The following PDE4D variants were observed in gnomAD, a reference collection of about 807,000 sequenced individuals.
PDE4D encodes the protein phosphodiesterase 4D, also known as 3',5'-cyclic-AMP phosphodiesterase 4D.
In PDE4D, 24 loss-of-function variants were observed where a neutral mutation model predicts 87.4. That is an observed-to-expected ratio of 0.27 (90% CI 0.20 to 0.39). PDE4D has a LOEUF of 0.39. Ranked by LOEUF, PDE4D falls within the 10% of genes least tolerant of loss-of-function variation. The pLI is 1.00. For missense variants in PDE4D, 714 were observed against 1,041.0 expected, an observed-to-expected ratio of 0.69 and a Z score of 4.32; for synonymous variants, 384 against 383.2, an observed-to-expected ratio of 1.00 and a Z score of -0.02.
chr5:59,412,250 T>A (rs1348407731), intron 1 of PDE4D, among the ~76,000 whole-genome samples: 1 of 152,234 alleles, frequency 6.6e-6, no homozygotes, highest in Non-Finnish European at 1.5e-5. Context: ...TTATTTTTTT[T>A]AAGTCACTTC....
intron 2 of PDE4D, among the ~76,000 whole-genome samples, chr5:60,084,118 G>T (rs1458037390): frequency 6.6e-6 from 1 of 152,146 alleles, no homozygotes; most frequent in African/African-American, 2.4e-5. Context: ...GAGTTCATAT[G>T]AACCAGATTT....
chr5:58,988,879 T>C (rs551915499), intron 10 of PDE4D, among the ~76,000 whole-genome samples: 1 of 149,842 alleles, frequency 6.7e-6, no homozygotes, highest in South Asian at 2.2e-4. Flanking sequence ...AAGAAAATAA[T>C]AGTTTATTTT....
chr5:59,530,478 T>C (rs1814005960), intron 1 of PDE4D, among the ~76,000 whole-genome samples: 2 of 152,166 alleles, frequency 1.3e-5, no homozygotes, highest in South Asian at 2.1e-4. Context: ...CACATCAATA[T>C]ACTTTAAAGC....
rs535081812 is a variant in PDE4D at position 59,024,493 on chromosome 5, G to A, written c.921+14366C>T. The stretch of plus-strand genomic sequence containing the variant: ...ATTACAGGCTTGAGGCACCACGCCC[G>A]GCTGCTGAAATTCTACTTTTGAAAG... On this transcript the variant is annotated intron_variant, in intron 6 of 14. Transcript: ENST00000340635. Among the ~76,000 whole-genome samples, 13 of 152,178 alleles carry A rather than the reference G, an allele frequency of 8.5e-5. 1 individual carries two copies. Among genetic ancestry groups the A allele is most frequent in the African/African-American group, 2.4e-4 (10 of 41,512 alleles).
intron 1 of PDE4D, among the ~76,000 whole-genome samples, chr5:60,374,694 A>G (rs1316662389): frequency 6.6e-6 from 1 of 152,174 alleles, no homozygotes; most frequent in Non-Finnish European, 1.5e-5. Context: ...TCTCTTCTCC[A>G]AATAGATCAT....
intron 5 of PDE4D, among the ~76,000 whole-genome samples, chr5:59,168,341 C>A (rs919832165): frequency 6.6e-6 from 1 of 152,182 alleles, no homozygotes; most frequent in Non-Finnish European, 1.5e-5. Context: ...AACGCTGAAG[C>A]ACTGCGTTAC....
chr5:60,187,412 T>C (rs1784869591), intron 1 of PDE4D, among the ~76,000 whole-genome samples: 2 of 152,176 alleles, frequency 1.3e-5, no homozygotes, highest in East Asian at 1.9e-4. Flanking sequence ...GAAAAAACTT[T>C]AGATAACAGC....
intron 11 of PDE4D, among the ~76,000 whole-genome samples, chr5:58,980,306 AG>A (rs1744804790): frequency 6.6e-6 from 1 of 152,174 alleles, no homozygotes; most frequent in South Asian, 2.1e-4. Context: ...AACATCACCT[AG>A]CCAGTAAGTG....
At chr5:60,236,269 GT>G (rs1438809476) in intron 1 of PDE4D, among the ~76,000 whole-genome samples, 2 of 151,792 alleles carry the variant, frequency 1.3e-5, no homozygotes, top group Admixed American at 6.6e-5. Context: ...AAAAACTTTT[GT>G]TTTGTGAATG....
At chr5:59,868,528 CA>C (rs539838457) in intron 1 of PDE4D, among the ~76,000 whole-genome samples, 31 of 152,186 alleles carry the variant, frequency 2.0e-4, no homozygotes, top group African/African-American at 6.7e-4. Flanking sequence ...TCCTGGGGAC[CA>C]CCCTCTATGA....
intron 1 of PDE4D, among the ~76,000 whole-genome samples, chr5:59,236,965 G>C (rs567600417): frequency 6.6e-6 from 1 of 152,076 alleles, no homozygotes; most frequent in African/African-American, 2.4e-5. Flanking sequence ...ACGGCACTTA[G>C]GTTACTTTAA....
chr5:60,229,742 T>G (rs977560020), intron 1 of PDE4D, among the ~76,000 whole-genome samples: 1 of 152,124 alleles, frequency 6.6e-6, no homozygotes, highest in African/African-American at 2.4e-5. Flanking sequence ...AATCAGTTTC[T>G]TTGAACAATC....
At chr5:59,046,539 A>ATG (rs35264771) in intron 5 of PDE4D, among the ~76,000 whole-genome samples, 10,539 of 143,684 alleles carry the variant, frequency 0.073, 463 homozygotes, top group Non-Finnish European at 0.11. Flanking sequence ...GTTATTGAAG[A>ATG]TGTGTGTGTG....
intron 1 of PDE4D, among the ~76,000 whole-genome samples, chr5:59,707,842 C>T (rs566176126): frequency 5.3e-5 from 8 of 152,294 alleles, no homozygotes; most frequent in African/African-American, 1.9e-4. Context: ...ACCACATTTT[C>T]TTCAACCAGT....
intron 1 of PDE4D, among the ~76,000 whole-genome samples, chr5:59,630,462 A>G (rs1227541743): frequency 1.3e-5 from 2 of 152,238 alleles, no homozygotes; most frequent in Non-Finnish European, 2.9e-5. Flanking sequence ...TGTTCTCTTA[A>G]GAGTGTATGA....
chr5:60,069,736 G>A (rs1772507710), intron 2 of PDE4D, among the ~76,000 whole-genome samples: 1 of 151,948 alleles, frequency 6.6e-6, no homozygotes, highest in Non-Finnish European at 1.5e-5. Context: ...TTGAGATTTG[G>A]ATAGGGATTG....
intron 1 of PDE4D, among the ~76,000 whole-genome samples, chr5:59,322,208 C>A (rs1449296849): frequency 1.3e-5 from 2 of 152,080 alleles, no homozygotes; most frequent in African/African-American, 4.8e-5. Context: ...TGGAAGAAGT[C>A]CAATAACTAC....
At chr5:59,329,135 A>G (rs1376525674) in intron 1 of PDE4D, among the ~76,000 whole-genome samples, 1 of 152,206 alleles carries the variant, frequency 6.6e-6, no homozygotes, top group Non-Finnish European at 1.5e-5. Context: ...GACTTCCTCC[A>G]GGATTTTCCC....
At chr5:60,049,664 C>A (rs1562025523) in intron 2 of PDE4D, among the ~76,000 whole-genome samples, 1 of 152,226 alleles carries the variant, frequency 6.6e-6, no homozygotes, top group Non-Finnish European at 1.5e-5. Context: ...AGGTGCCTCC[C>A]AGTTAGGCTG....
Sources: allele counts gnomAD v4.1 joint callset (sites outside exome capture counted in the v4.1 genomes callset), GRCh38; gene constraint gnomAD v4.1.1; transcripts MANE v1.5; gene names NCBI Gene and HGNC (gene_info 2026-07-23, HGNC 2026-07-21).